Variants in NMNAT2 observed in about 807,000 individuals in gnomAD.
NMNAT2 encodes nicotinamide nucleotide adenylyltransferase 2.
A neutral mutation model predicts 41.6 loss-of-function variants in NMNAT2; 11 were observed. The ratio of observed to expected loss-of-function variants is 0.26; its 90% CI spans 0.17 to 0.44. The LOEUF is 0.44. Among genes scored for constraint, NMNAT2 ranks in the 20% least tolerant of loss-of-function variants. The pLI is 1.00. For missense variants in NMNAT2, 288 were observed against 407.7 expected (o/e 0.71, Z 2.53); for synonymous variants, 148 against 151.2 (o/e 0.98, Z 0.16).
intron 8 of NMNAT2, among the ~76,000 whole-genome samples, chr1:183,276,090 C>G (rs536072409): frequency 7.2e-5 from 11 of 152,306 alleles, no homozygotes; most frequent in African/African-American, 2.4e-4. Context: ...CCAAAGTCAT[C>G]CATCTCAGAT....
intron 1 of NMNAT2, among the ~76,000 whole-genome samples, chr1:183,342,093 A>T (rs892726212): frequency 9.3e-5 from 14 of 150,506 alleles, no homozygotes; most frequent in African/African-American, 3.2e-4. Flanking sequence ...GCTGAGGCCC[A>T]AACATGCAAA....
At position 183,249,056 on chromosome 1, in the gene NMNAT2, CTT is replaced by C. The variant is rs1464587705; in HGVS notation, c.*3583_*3584del. The C allele has an allele frequency of 1.3e-5, 2 of 152,100 alleles. No homozygotes were observed. Among genetic ancestry groups the C allele is most frequent in the African/African-American group, 4.8e-5 (2 of 41,416 alleles). 9.4% of individuals were successfully genotyped at this position (152,100 alleles called of 1,614,324 possible). Reference sequence around the variant, plus strand: ...TTCTACTTAATTTGAACAGCAAGTTCTTTAATTCTTTCTGAGAAGCTGGAGCT... The same window carrying C: ...TTCTACTTAATTTGAACAGCAAGTTCTAATTCTTTCTGAGAAGCTGGAGCT... On this transcript the variant is annotated 3_prime_UTR_variant, in exon 11 of 11. Transcript: ENST00000287713.
At chr1:183,366,947 C>A (rs1025763996) in intron 1 of NMNAT2, among the ~76,000 whole-genome samples, 1 of 152,188 alleles carries the variant, frequency 6.6e-6, no homozygotes, top group Non-Finnish European at 1.5e-5. Context: ...CTAAGCACCA[C>A]CCCCAGTGGA....
intron 1 of NMNAT2, among the ~76,000 whole-genome samples, chr1:183,326,237 A>G (rs1018801615): frequency 2.0e-5 from 3 of 151,948 alleles, no homozygotes; most frequent in African/African-American, 7.3e-5. Flanking sequence ...TTAGCTGGGT[A>G]TGGTGGTGCA....
intron 1 of NMNAT2, among the ~76,000 whole-genome samples, chr1:183,413,417 A>G (rs749814918): frequency 6.6e-6 from 1 of 151,994 alleles, no homozygotes; most frequent in Non-Finnish European, 1.5e-5. Flanking sequence ...TGGAGGGACT[A>G]CTGCTGGAGA....
chr1:183,260,506 C>G (rs2102280375), intron 10 of NMNAT2, among the ~76,000 whole-genome samples: 1 of 152,082 alleles, frequency 6.6e-6, no homozygotes. Flanking sequence ...AGCTAATGGA[C>G]TGTCCTCCCT....
At chr1:183,404,966 A>G (rs922217932) in intron 1 of NMNAT2, among the ~76,000 whole-genome samples, 4 of 152,222 alleles carry the variant, frequency 2.6e-5, no homozygotes, top group African/African-American at 9.6e-5. Context: ...TAAGCCTGTA[A>G]TCCCAGCACT....
At chr1:183,272,760 C>T (rs4652790) in intron 8 of NMNAT2, among the ~76,000 whole-genome samples, 9,860 of 152,290 alleles carry the variant, frequency 0.065, 466 homozygotes, top group Non-Finnish European at 0.1. Context: ...GGCTGGAGGC[C>T]GGGCTGCTCC....
chr1:183,252,872 A>C, intron 10 of NMNAT2, 129 bp from the exon 11 acceptor site: 1 of 661,800 alleles, frequency 1.5e-6, no homozygotes, highest in Non-Finnish European at 2.7e-6. Context: ...GTTCTGTATT[A>C]GGAAAGGCCC....
rs1660337899 is a variant in NMNAT2 at position 183,250,164 on chromosome 1, T to C, written c.*2477A>G. 1 of 152,242 alleles carries C rather than the reference T, an allele frequency of 6.6e-6. No individual in the cohort carries two copies. The highest frequency in any genetic ancestry group is 1.5e-5 in the Non-Finnish European group (1 of 68,082). 9.4% of individuals were successfully genotyped at this position (152,242 alleles called of 1,614,324 possible). ...AGGAAATTCAGGCACCTGTTTTCCT[T>C]TGTTTCATTTCCTGGCTTATGACTG... is the stretch of plus-strand genomic sequence containing the variant. On this transcript the variant is annotated 3_prime_UTR_variant, in exon 11 of 11. Coordinates refer to ENST00000287713, the MANE Select transcript of NMNAT2 (RefSeq NM_015039.4).
intron 8 of NMNAT2, among the ~76,000 whole-genome samples, chr1:183,272,479 G>C (rs376824740): frequency 1.3e-5 from 2 of 152,192 alleles, no homozygotes; most frequent in East Asian, 3.8e-4. Flanking sequence ...GAATGTAAGG[G>C]GAAGGGTGTG....
At chr1:183,256,800 A>T (rs1315565121) in intron 10 of NMNAT2, among the ~76,000 whole-genome samples, 1 of 151,934 alleles carries the variant, frequency 6.6e-6, no homozygotes, top group Non-Finnish European at 1.5e-5. Context: ...CCCAGGCTGG[A>T]GTGCAGCAGC....
chr1:183,363,579 TACACAC>T (rs146304060), intron 1 of NMNAT2, among the ~76,000 whole-genome samples: 1 of 147,482 alleles, frequency 6.8e-6, no homozygotes, highest in African/African-American at 2.5e-5. Context: ...CACACACACA[TACACAC>T]ACACACACAC....
chr1:183,361,374 A>T (rs1168490946), intron 1 of NMNAT2, among the ~76,000 whole-genome samples: 3 of 152,184 alleles, frequency 2.0e-5, no homozygotes, highest in Non-Finnish European at 4.4e-5. Flanking sequence ...ATCTGGGCAC[A>T]AATTCTACCT....
chr1:183,286,395 C>G (rs923058462), intron 5 of NMNAT2, among the ~76,000 whole-genome samples: 1 of 152,058 alleles, frequency 6.6e-6, no homozygotes, highest in Non-Finnish European at 1.5e-5. Context: ...CCCGGCCCTA[C>G]GTTTATATTT....
chr1:183,315,740 C>G (rs1369960109), intron 1 of NMNAT2, among the ~76,000 whole-genome samples: 1 of 147,876 alleles, frequency 6.8e-6, no homozygotes, highest in African/African-American at 2.5e-5. Context: ...GAGGTCATGC[C>G]ACTGCACTCC....
intron 1 of NMNAT2, among the ~76,000 whole-genome samples, chr1:183,411,709 T>C (rs1424140685): frequency 6.6e-6 from 1 of 152,218 alleles, no homozygotes; most frequent in African/African-American, 2.4e-5. Context: ...TGAGGAGCTC[T>C]AGCTGGGGAG....
intron 8 of NMNAT2, among the ~76,000 whole-genome samples, chr1:183,264,659 C>T (rs1238573272): frequency 6.6e-6 from 1 of 152,160 alleles, no homozygotes; most frequent in Admixed American, 6.5e-5. Flanking sequence ...AAACAATGTT[C>T]ATGGTGGACG....
chr1:183,380,399 T>C (rs1347299432), intron 1 of NMNAT2, among the ~76,000 whole-genome samples: 1 of 152,206 alleles, frequency 6.6e-6, no homozygotes. Context: ...AGGCATGATT[T>C]GCATGCAATA....
Sources: gnomAD v4.1 joint callset for allele counts (sites outside exome capture counted in the v4.1 genomes callset) on GRCh38, gnomAD v4.1.1 for gene constraint, MANE v1.5 for transcripts, NCBI Gene and HGNC (gene_info 2026-07-23, HGNC 2026-07-21) for gene names.